Variants in BST1 observed in about 807,000 individuals in gnomAD.
BST1 encodes bone marrow stromal cell antigen 1.
A neutral mutation model predicts 40.6 loss-of-function variants in BST1; 49 were observed. That is an observed-to-expected ratio of 1.21 (90% confidence interval 0.96 to 1.53). The LOEUF (loss-of-function observed/expected upper bound fraction) is 1.53. Among genes scored for constraint, BST1 ranks in the 40% most tolerant of loss-of-function variants. The probability of loss-of-function intolerance (pLI) is 0.00; values close to 1 mark genes in which losing one functional copy is unlikely to be tolerated. For synonymous variants in BST1, 157 were observed against 159.3 expected (o/e 0.99, Z 0.11); for missense variants, 423 against 395.9 (o/e 1.07, Z -0.58).
chr4:15,703,703 G>A (rs1719689057), intron 1 of BST1, among the ~76,000 whole-genome samples: 1 of 141,648 alleles, frequency 7.1e-6, no homozygotes, highest in Non-Finnish European at 1.5e-5. Flanking sequence ...GTGTGTGTGT[G>A]CTCTAGAGGT....
At chr4:15,713,683 A>G (rs558665084) in intron 4 of BST1, among the ~76,000 whole-genome samples, 127 of 152,136 alleles carry the variant, frequency 8.3e-4, no homozygotes, top group African/African-American at 2.8e-3. Context: ...GCCTTATTGC[A>G]TTGGCATACT....
chr4:15,741,559 G>C (rs1231873168), downstream of BST1, among the ~76,000 whole-genome samples: 1 of 152,184 alleles, frequency 6.6e-6, no homozygotes, highest in South Asian at 2.1e-4. Context: ...TTGAGAGCAT[G>C]TGTCAATGGC....
At chr4:15,723,735 G>C in intron 8 of BST1, 2 of 619,554 alleles carry the variant, frequency 3.2e-6, no homozygotes, top group Non-Finnish European at 4.0e-6. Flanking sequence ...GAATGTGTGT[G>C]TATTTTAAAT....
intron 2 of BST1, 91 bp from the exon 3 acceptor site, chr4:15,707,420 T>C (rs956922554): frequency 1.3e-6 from 2 of 1,500,022 alleles, no homozygotes; most frequent in African/African-American, 1.4e-5. Context: ...GAATGAGAAC[T>C]GGATTGCCCA....
At chr4:15,758,086 T>C in the BST1 span, among the ~76,000 whole-genome samples, 10 of 152,254 alleles carry the variant, frequency 6.6e-5, no homozygotes, top group Non-Finnish European at 1.0e-4. Flanking sequence ...AAATACAATG[T>C]AGGATAATTA....
chr4:15,711,530 G>A (rs1407141020), intron 3 of BST1, among the ~76,000 whole-genome samples: 1 of 152,154 alleles, frequency 6.6e-6, no homozygotes, highest in Non-Finnish European at 1.5e-5. Context: ...GATGCTCAGT[G>A]GTCAGCTAGA....
chr4:15,703,229 G>A lies in BST1; in HGVS notation c.85G>A (p.Gly29Arg). Residue 29 changes from glycine to arginine, a missense_variant, in exon 1 of 9, where the codon GGG (glycine) becomes AGG (arginine). Transcript: ENST00000265016. ...LLLLLLLAAG[G>R]ARARWRGEGT... ...TCTACTGTTGCTGCTGGCGGCGGGC[G>A]GGGCGCGCGCGCGGTGGCGCGGGGA... 1 of 1,546,060 alleles carries A rather than the reference G, an allele frequency of 6.5e-7. No individual in the cohort carries two copies. Among genetic ancestry groups the A allele is most frequent in the Non-Finnish European group, 8.7e-7 (1 of 1,147,402 alleles).
the BST1 span, among the ~76,000 whole-genome samples, chr4:15,765,783 C>A: frequency 6.6e-6 from 1 of 151,926 alleles, no homozygotes; most frequent in African/African-American, 2.4e-5. Flanking sequence ...TGGTCCTTTA[C>A]CCAAAATTGC....
Position 15,731,821 on chromosome 4 carries a change from G to A in BST1, c.933G>A (p.Val311=). ...GTCTTATCATTCCCCTCTTTCTGGT[G>A]CTGGCTTCCAGGACTCAACTGTAAC... ...RAGLIIPLFL[V]LASRTQL is the part of the protein sequence containing the mutation. The change falls in exon 9 of 9, where the codon GTG becomes GTA. Residue 311 remains valine (V), a synonymous_variant. Coordinates refer to ENST00000265016, the MANE Select transcript of BST1 (RefSeq NM_004334.3). 6.2e-7 allele frequency: 1 copy of A among 1,613,458 alleles called. No homozygotes were observed. The highest frequency in any genetic ancestry group is 1.1e-5 in the South Asian group (1 of 90,838).
chr4:15,736,112 G>T (rs766992508), downstream of BST1: 11 of 1,288,760 alleles, frequency 8.5e-6, no homozygotes, highest in African/African-American at 7.6e-5. Context: ...TACAACCGCC[G>T]GTTCTAGCCT....
At chr4:15,718,800 G>T in intron 6 of BST1, 107 bp from the exon 7 acceptor site, 1 of 888,498 alleles carries the variant, frequency 1.1e-6, no homozygotes, top group South Asian at 1.8e-5. Flanking sequence ...TCTGAGAGTA[G>T]AATATCCAGG....
At chr4:15,766,496 G>A in the BST1 span, among the ~76,000 whole-genome samples, 14 of 151,886 alleles carry the variant, frequency 9.2e-5, 1 homozygote, top group Non-Finnish European at 1.6e-4. Context: ...TGAATTAAAA[G>A]CATTTTGAGG....
chr4:15,719,752 C>T (rs1720707697), intron 7 of BST1, among the ~76,000 whole-genome samples: 3 of 152,276 alleles, frequency 2.0e-5, no homozygotes, highest in Admixed American at 1.3e-4. Flanking sequence ...GCTTCTCTGC[C>T]ACTCTCTGCC....
rs1265697683 is a variant in BST1, at chr4:15,718,029, T to C, written c.705-878T>C. On this transcript the variant is annotated intron_variant, in intron 6 of 8. Transcript: ENST00000265016. ...CTGGACCATGAAGAAGGTAGACTTA[T>C]AGCTTATCTGCTTTGTCTTTTTGCT... Among the ~76,000 whole-genome samples, 4 of 152,252 alleles carry C rather than the reference T, an allele frequency of 2.6e-5. No homozygotes were observed. In the East Asian group the frequency reaches 5.8e-4, roughly 22 times the overall value.
chr4:15,704,855 C>T lies in BST1; in HGVS notation c.189-660C>T, dbSNP rs968139057. The T allele has an allele frequency of 8.4e-6, 6 of 711,540 alleles. No homozygotes were observed. The African/African-American group carries it at 9.8e-5, about 12-fold the overall frequency. 44.1% of individuals were successfully genotyped at this position (711,540 alleles called of 1,614,324 possible). A position where few individuals can be genotyped will look rare whatever the true frequency, so the allele number is the denominator to read the frequency against. On this transcript the variant is annotated intron_variant, in intron 1 of 8. Coordinates refer to ENST00000265016, the MANE Select transcript of BST1 (RefSeq NM_004334.3). ...TTACTGATTTTTGTTCCTTCTGTGG[C>T]CCCCCTTTTCTTATGTTTGTGATGT...
chr4:15,736,995 G>T (rs1426801836), downstream of BST1, among the ~76,000 whole-genome samples: 3 of 152,168 alleles, frequency 2.0e-5, no homozygotes, highest in African/African-American at 7.2e-5. Flanking sequence ...ATGGACTCTG[G>T]CACCTAACAG....
intron 1 of BST1, 25 bp from the exon 2 acceptor site, chr4:15,705,490 C>A: frequency 6.4e-7 from 1 of 1,550,862 alleles, no homozygotes; most frequent in Non-Finnish European, 8.7e-7. Context: ...TGTGTGTGTT[C>A]TTCCCAACTT....
downstream of BST1, chr4:15,736,143 G>T (rs1721554752): frequency 4.7e-6 from 6 of 1,286,428 alleles, no homozygotes; most frequent in Non-Finnish European, 6.1e-6. Context: ...TAAATCATGG[G>T]TTTCAAACAT....
chr4:15,726,013 G>GTGC (rs1374533296), intron 8 of BST1, among the ~76,000 whole-genome samples: 3 of 125,322 alleles, frequency 2.4e-5, no homozygotes, highest in African/African-American at 5.9e-5. Context: ...CCAGGCTGTA[G>GTGC]TGCAGTGGCA....
Sources: allele counts gnomAD v4.1 joint callset (sites outside exome capture counted in the v4.1 genomes callset), GRCh38; gene constraint gnomAD v4.1.1; transcripts MANE v1.5; gene names NCBI Gene and HGNC (gene_info 2026-07-23, HGNC 2026-07-21).